SGTA: variants seen among roughly 807,000 people sequenced by gnomAD.
SGTA encodes small glutamine rich tetratricopeptide repeat co-chaperone alpha, also known as small glutamine-rich tetratricopeptide repeat-containing protein alpha.
SGTA carries 22 observed loss-of-function variants against 44.3 expected under a neutral mutation model. That is an observed-to-expected ratio of 0.50 (90% CI 0.36 to 0.71). The LOEUF is 0.71. Ranked by LOEUF, SGTA falls within the 30% of genes least tolerant of loss-of-function variation. SGTA has a pLI of 0.00. For missense variants in SGTA, 341 were observed against 435.9 expected (o/e 0.78, Z 1.94); for synonymous variants, 174 against 177.6 (o/e 0.98, Z 0.16).
chr19:2,771,945 A>G (rs1288249492), intron 1 of SGTA, among the ~76,000 whole-genome samples: 1 of 151,846 alleles, frequency 6.6e-6, no homozygotes, highest in Non-Finnish European at 1.5e-5. Flanking sequence ...CCTGGAATCC[A>G]CTCCCTGTCC....
At position 2,762,497 on chromosome 19, in the gene SGTA, T is replaced by C. The variant is rs1287230928; in HGVS notation, c.636+9A>G. On this transcript the variant is annotated intron_variant, in intron 7 of 11. Coordinates refer to ENST00000221566, the MANE Select transcript of SGTA (RefSeq NM_003021.4). ...GCGTTCTGGAGCCACTCGCCCCCGC[T>C]GCACTCACGGGGCTGGGGGCCTCCC... The C allele has an allele frequency of 6.2e-7, 1 of 1,613,620 alleles. No individual in the cohort carries two copies. The highest frequency in any genetic ancestry group is 2.2e-5 in the East Asian group (1 of 44,876).
At chr19:2,777,358 C>G (rs1915466475) in intron 1 of SGTA, 1 of 151,624 alleles carries the variant, frequency 6.6e-6, no homozygotes, top group Non-Finnish European at 1.5e-5. Flanking sequence ...TCAAGAGCAG[C>G]CTGGGCAACA....
intron 1 of SGTA, among the ~76,000 whole-genome samples, chr19:2,776,215 A>G (rs1915442335): frequency 6.6e-6 from 1 of 152,264 alleles, no homozygotes; most frequent in African/African-American, 2.4e-5. Context: ...CGAAAGGTGA[A>G]GATTTTTGGT....
At chr19:2,756,407 G>A (rs1914819769) in intron 11 of SGTA, among the ~76,000 whole-genome samples, 1 of 148,840 alleles carries the variant, frequency 6.7e-6, no homozygotes. Flanking sequence ...AGTGAGACGT[G>A]ACTGCACCAC....
Position 2,767,478 on chromosome 19 carries a change from G to A in SGTA, c.207+102C>T, listed in dbSNP as rs1010057833. The A allele has an allele frequency of 1.0e-6, 1 of 985,472 alleles. No individual in the cohort carries two copies. The highest frequency in any genetic ancestry group is 1.6e-6 in the Non-Finnish European group (1 of 633,970). The allele number at this position is 985,472 out of a possible 1,614,324, so 61.0% of individuals were successfully genotyped here. A position where few individuals can be genotyped will look rare whatever the true frequency, so the allele number is the denominator to read the frequency against. The stretch of plus-strand genomic sequence containing the variant: ...CAGCCCAGGAGAGGATGCAGGCAGA[G>A]TGCTGGGGGACGATGAGAGCGGGGC... On this transcript the variant is annotated intron_variant, in intron 3 of 11. Coordinates refer to ENST00000221566, the MANE Select transcript of SGTA (RefSeq NM_003021.4). This position sits in a 1 kb window ranked among gnomAD's most constrained non-coding sequence, Gnocchi z 7.3.
At chr19:2,769,350 GCTCCCAGGGCCTCCTGAGCA>G (rs1679735616) in intron 1 of SGTA, among the ~76,000 whole-genome samples, 1 of 152,200 alleles carries the variant, frequency 6.6e-6, no homozygotes, top group African/African-American at 2.4e-5. Context: ...GAACCCGCGT[GCTCCCAGGGCCTCCTGAGCA>G]CTCCCAGGGT....
chr19:2,779,792 G>A (rs1043702223), intron 1 of SGTA, among the ~76,000 whole-genome samples: 10 of 152,182 alleles, frequency 6.6e-5, no homozygotes, highest in African/African-American at 1.7e-4. Context: ...CAGCCACCTC[G>A]GTCGGGGCGG....
intron 6 of SGTA, 93 bp from the exon 7 acceptor site, chr19:2,762,737 C>G: frequency 2.0e-6 from 3 of 1,482,990 alleles, no homozygotes; most frequent in Non-Finnish European, 2.8e-6. Flanking sequence ...TGGCAACCCC[C>G]AAACCACCTC....
intron 7 of SGTA, 67 bp downstream of exon 7, chr19:2,762,439 G>A (rs539125236): frequency 2.3e-5 from 36 of 1,562,396 alleles, no homozygotes; most frequent in African/African-American, 2.7e-5. Flanking sequence ...TGGTGCGCCC[G>A]AGGACCTGTC....
chr19:2,767,796 C>A lies in SGTA; in HGVS notation c.101-110G>T. On this transcript the variant is annotated intron_variant, in intron 2 of 11. Transcript: ENST00000221566. The surrounding 1 kb of genome is among the most constrained non-coding windows in gnomAD (Gnocchi z 7.3). ...ATGCTTCCCCAGGTGTGTTCATTCC[C>A]AAGGACCCCAGAACGCAGGGGCCGC... 1 of 799,940 alleles carries A rather than the reference C, an allele frequency of 1.3e-6. No individual in the cohort carries two copies. The highest frequency in any genetic ancestry group is 2.1e-6 in the Non-Finnish European group (1 of 467,948). 49.6% of individuals were successfully genotyped at this position (799,940 alleles called of 1,614,324 possible). A position where few individuals can be genotyped will look rare whatever the true frequency, so the allele number is the denominator to read the frequency against.
intron 1 of SGTA, among the ~76,000 whole-genome samples, chr19:2,781,253 A>T (rs1915568505): frequency 6.6e-6 from 1 of 152,248 alleles, no homozygotes; most frequent in Non-Finnish European, 1.5e-5. Flanking sequence ...CCTTCTAGGA[A>T]GATTTAATTA....
rs559861509 is a variant in SGTA at position 2,775,223 on chromosome 19, C to T, written c.-23-6132G>A. On this transcript the variant is annotated intron_variant, in intron 1 of 11. Transcript: ENST00000221566. ...CCACAGGCACGGCAGGATCCGCGCCCGGCAGGCGCCTGACCTGCCCCCACA... is the reference window on the plus strand; with the variant it reads ...CCACAGGCACGGCAGGATCCGCGCCTGGCAGGCGCCTGACCTGCCCCCACA... Among the ~76,000 whole-genome samples the T allele has an allele frequency of 7.9e-5, 12 of 152,384 alleles. No individual in the cohort carries two copies. In the East Asian group the frequency reaches 1.7e-3, roughly 22 times the overall value.
At position 2,763,640 on chromosome 19, in the gene SGTA, G is replaced by C; in HGVS notation, c.497+13C>G. ...GAGAGACTGGAAAGGCGCGGCCGTG[G>C]ACAGGCACTCACCCCATCCTGCCGT... On this transcript the variant is annotated intron_variant, in intron 6 of 11. Coordinates refer to ENST00000221566, the MANE Select transcript of SGTA (RefSeq NM_003021.4). This position sits in a 1 kb window ranked among gnomAD's most constrained non-coding sequence, Gnocchi z 5.8. The C allele has an allele frequency of 6.3e-7, 1 of 1,590,976 alleles. No individual in the cohort carries two copies. Among genetic ancestry groups the C allele is most frequent in the Non-Finnish European group, 8.6e-7 (1 of 1,160,814 alleles).
At chr19:2,757,047 G>T (rs1182558819) in intron 11 of SGTA, among the ~76,000 whole-genome samples, 1 of 152,162 alleles carries the variant, frequency 6.6e-6, no homozygotes, top group African/African-American at 2.4e-5. Context: ...CTTCCAGGGA[G>T]CTGTGGCTCT....
intron 7 of SGTA, 39 bp downstream of exon 7, chr19:2,762,467 G>A: frequency 6.2e-7 from 1 of 1,609,976 alleles, no homozygotes; most frequent in African/African-American, 1.3e-5. Flanking sequence ...CACACAGTCA[G>A]CTCGGCGTTC....
At position 2,762,646 on chromosome 19, in the gene SGTA, TGGA is replaced by T; in HGVS notation, c.498-5_498-3del. 1 of 1,613,830 alleles carries T rather than the reference TGGA, an allele frequency of 6.2e-7. No individual in the cohort carries two copies. The highest frequency in any genetic ancestry group is 8.5e-7 in the Non-Finnish European group (1 of 1,179,966). On this transcript the variant is annotated splice_polypyrimidine_tract_variant and splice_region_variant and intron_variant, in intron 6 of 11. Coordinates refer to ENST00000221566, the MANE Select transcript of SGTA (RefSeq NM_003021.4). ...TTGTTGAGGCTGGAGAGCGCCAGGC[TGGA>T]GGAGAGCACCGGGGATGGACTGTTC... is the stretch of plus-strand genomic sequence containing the variant.
At chr19:2,757,153 C>T (rs1039209049) in intron 11 of SGTA, among the ~76,000 whole-genome samples, 184 bp downstream of exon 11, 9 of 152,200 alleles carry the variant, frequency 5.9e-5, no homozygotes, top group African/African-American at 1.7e-4. Flanking sequence ...CCCAGAGATG[C>T]CCCCACCTGC....
rs996793052 is a variant in SGTA at position 2,763,238 on chromosome 19, G to C, written c.497+415C>G. On this transcript the variant is annotated intron_variant, in intron 6 of 11. Coordinates refer to ENST00000221566, the MANE Select transcript of SGTA (RefSeq NM_003021.4). The surrounding 1 kb of genome is among the most constrained non-coding windows in gnomAD (Gnocchi z 5.8). ...AGGCGAATGCACGCTTATGCTGGGA[G>C]GGCGGCACCGGCTGCACGGGGCGCA... Among the ~76,000 whole-genome samples, 10 of 152,202 alleles carry C rather than the reference G, an allele frequency of 6.6e-5. No individual in the cohort carries two copies. The highest frequency in any genetic ancestry group is 9.7e-5 in the African/African-American group (4 of 41,446).
chr19:2,756,351 G>A (rs916544123), intron 11 of SGTA, among the ~76,000 whole-genome samples: 48 of 152,026 alleles, frequency 3.2e-4, no homozygotes, highest in Admixed American at 1.8e-3. Context: ...CACACTTTGG[G>A]AGGCCGAGGC....
Sources: allele counts gnomAD v4.1 joint callset (sites outside exome capture counted in the v4.1 genomes callset), GRCh38; gene constraint gnomAD v4.1.1; non-coding constraint Gnocchi (gnomAD v3.1); transcripts MANE v1.5; gene names NCBI Gene and HGNC (gene_info 2026-07-23, HGNC 2026-07-21).